The following TNS2 variants were observed in gnomAD, a reference collection of about 807,000 sequenced individuals.
TNS2 encodes tensin 2.
In TNS2, 77 loss-of-function variants were observed where a neutral mutation model predicts 155.7. The ratio of observed to expected loss-of-function variants is 0.49; its 90% CI spans 0.41 to 0.60. TNS2 has a LOEUF of 0.60. Among genes scored for constraint, TNS2 ranks in the 20% least tolerant of loss-of-function variants. The pLI is 0.00. For missense variants in TNS2, 1,703 were observed against 1,868.8 expected (o/e 0.91, Z 1.64); for synonymous variants, 726 against 763.9 (o/e 0.95, Z 0.82).
chr12:53,055,435 C>A, intron 8 of TNS2, 133 bp from the exon 9 acceptor site: 4 of 1,255,170 alleles, frequency 3.2e-6, no homozygotes, highest in Non-Finnish European at 4.4e-6. Flanking sequence ...AAGGAAAGTG[C>A]CGAGGCTATC....
At chr12:53,054,124 CA>C in intron 6 of TNS2, 110 bp downstream of exon 6, 1 of 1,571,916 alleles carries the variant, frequency 6.4e-7, no homozygotes, top group Non-Finnish European at 8.7e-7. Context: ...CCCCCACCCC[CA>C]AAGCGGTATT....
At chr12:53,052,232 T>C in intron 2 of TNS2, 1 of 638,190 alleles carries the variant, frequency 1.6e-6, no homozygotes, top group Non-Finnish European at 2.8e-6. Flanking sequence ...CCTCCTCACC[T>C]CCACCCACCC....
At chr12:53,056,710 C>T (rs1592248964) in intron 10 of TNS2, among the ~76,000 whole-genome samples, 1 of 152,212 alleles carries the variant, frequency 6.6e-6, no homozygotes, top group South Asian at 2.1e-4. Flanking sequence ...TCTGCAACGG[C>T]CCTATTTCCA....
At chr12:53,049,975 T>C (rs1943864447), upstream of TNS2, 2 of 1,157,350 alleles carry the variant, frequency 1.7e-6, no homozygotes, top group African/African-American at 1.6e-5. Context: ...CCCCACATCC[T>C]CCCCCCTCCA....
rs181922491 is a variant in TNS2 at position 53,051,087 on chromosome 12, C to T, written c.76-768C>T. On this transcript the variant is annotated intron_variant, in intron 1 of 28. Coordinates refer to ENST00000314250, the MANE Select transcript of TNS2 (RefSeq NM_170754.4). ...CATAAGGGGGCATCCCAGGCTCCTGCCTCACTGCATCTCTGGGTCAGGAGG... is the reference window on the plus strand; with the variant it reads ...CATAAGGGGGCATCCCAGGCTCCTGTCTCACTGCATCTCTGGGTCAGGAGG... 3.1e-3 allele frequency among the ~76,000 whole-genome samples: 472 copies of T among 152,318 alleles called. 6 individuals are homozygous for T. Among genetic ancestry groups the T allele is most frequent in the Non-Finnish European group, 1.0e-3 (71 of 68,030 alleles).
At chr12:53,053,204 G>A (rs1276630038) in intron 3 of TNS2, 10 of 583,514 alleles carry the variant, frequency 1.7e-5, no homozygotes, top group South Asian at 7.2e-5. Flanking sequence ...GGGGCTGAGC[G>A]CCAAGAGCAA....
rs1206869991 is a variant in TNS2 at position 53,059,485 on chromosome 12, C to A, written c.1844C>A (p.Thr615Asn). 1 of 1,560,716 alleles carries A rather than the reference C, an allele frequency of 6.4e-7. No individual in the cohort carries two copies. Among genetic ancestry groups the A allele is most frequent in the Non-Finnish European group, 8.6e-7 (1 of 1,157,552 alleles). Residue 615 changes from threonine to asparagine, a missense_variant, in exon 18 of 29, where the codon ACC becomes AAC. Thr to Asn is a moderately conservative substitution (Grantham distance 65). Coordinates refer to ENST00000314250, the MANE Select transcript of TNS2 (RefSeq NM_170754.4). The surrounding 1 kb of genome is among the most constrained non-coding windows in gnomAD (Gnocchi z 4.7). ...GGGGGCTACTACCGGCCAGAGGGAA[C>A]CCTGGAGAGGAGGCGACTGGCCTAC... ...PNGGYYRPEGTLERRRLAYGG... is the reference protein window; with the variant it reads ...PNGGYYRPEGNLERRRLAYGG...
At chr12:53,058,543 C>A in intron 15 of TNS2, 29 bp from the exon 16 acceptor site, 1 of 1,613,940 alleles carries the variant, frequency 6.2e-7, no homozygotes, top group Non-Finnish European at 8.5e-7. Context: ...GGGCCAGGGG[C>A]CTGGTTCTTC....
At position 53,061,490 on chromosome 12, in the gene TNS2, C is replaced by T. The variant is rs567264716; in HGVS notation, c.3448+21C>T. ...CCAAGGTGAGAAGCCAGCCTGCCCCCACCCCACTGCATCCCACCTTCCAGG... is the reference window on the plus strand; with the variant it reads ...CCAAGGTGAGAAGCCAGCCTGCCCCTACCCCACTGCATCCCACCTTCCAGG... On this transcript the variant is annotated intron_variant, in intron 21 of 28. Transcript: ENST00000314250. 46 of 1,611,802 alleles carry T rather than the reference C, an allele frequency of 2.9e-5. 2 individuals carry two copies. In the South Asian group the frequency reaches 4.0e-4, roughly 14 times the overall value.
upstream of TNS2, chr12:53,047,067 A>AGT (rs555845852): frequency 2.1e-4 from 31 of 150,756 alleles, no homozygotes; most frequent in African/African-American, 7.6e-4. Flanking sequence ...GCTCTTTGTG[A>AGT]GTGTGGGTTC....
rs760650009 is a variant in TNS2 at position 53,057,009 on chromosome 12, C to A, written c.762-4C>A. 3 of 1,612,894 alleles carry A rather than the reference C, an allele frequency of 1.9e-6. No homozygotes were observed. The East Asian group carries it at 6.7e-5, about 36-fold the overall frequency. On this transcript the variant is annotated splice_region_variant and splice_polypyrimidine_tract_variant and intron_variant, in intron 10 of 28. Coordinates refer to ENST00000314250, the MANE Select transcript of TNS2 (RefSeq NM_170754.4). ...ATCCCCAACACTGGCCTTGCTATCC[C>A]CAGGGCGGACCAGGCACTGGCCACT...
chr12:53,057,947 C>T, intron 13 of TNS2, 80 bp from the exon 14 acceptor site: 6 of 1,608,876 alleles, frequency 3.7e-6, no homozygotes, highest in Non-Finnish European at 5.1e-6. Flanking sequence ...ACTCTGGTCT[C>T]CTGGCTCCCC....
chr12:53,052,562 G>T, intron 3 of TNS2, 70 bp downstream of exon 3: 1 of 1,595,422 alleles, frequency 6.3e-7, no homozygotes, highest in Non-Finnish European at 8.6e-7. Flanking sequence ...ACAGGCTTCT[G>T]CAACCACACT....
chr12:53,055,845 G>T lies in TNS2; in HGVS notation c.761G>T (p.Gly254Val). 1 of 1,610,184 alleles carries T rather than the reference G, an allele frequency of 6.2e-7. No individual in the cohort carries two copies. The highest frequency in any genetic ancestry group is 1.1e-5 in the South Asian group (1 of 90,912). Residue 254 changes from glycine (G) to valine (V), a missense_variant and splice_region_variant, in exon 10 of 29, where the codon GGG (glycine) becomes GTG (valine). Transcript: ENST00000314250. ...AYMHYSKISA[G>V]ADQALATLTM... ...ATGCACTACAGCAAGATCTCTGCAGGGTGAGGCTCCCAGCGCCTGAGTAGC... is the reference window on the plus strand; with the variant it reads ...ATGCACTACAGCAAGATCTCTGCAGTGTGAGGCTCCCAGCGCCTGAGTAGC...
At chr12:53,049,972 T>A, upstream of TNS2, 1 of 1,097,434 alleles carries the variant, frequency 9.1e-7, no homozygotes, top group Non-Finnish European at 1.2e-6. Flanking sequence ...CTCCCCCACA[T>A]CCTCCCCCCT....
At position 53,055,640 on chromosome 12, in the gene TNS2, G is replaced by C. The variant is rs757232422; in HGVS notation, c.646G>C (p.Glu216Gln). ...DKLCSICKAM[E>Q]TWLSADPQHV... ...GCTGTGCTCCATCTGCAAAGCCATG[G>C]AGACATGGCTCAGTGCTGACCCACA... Residue 216 changes from glutamate (E) to glutamine (Q), a missense_variant, in exon 9 of 29, where the codon GAG (glutamate) becomes CAG (glutamine). Physicochemically the swap from Glu to Gln is conservative, Grantham distance 29. Transcript: ENST00000314250. 1.2e-6 allele frequency: 2 copies of C among 1,614,112 alleles called. No individual in the cohort carries two copies. The highest frequency in any genetic ancestry group is 1.7e-6 in the Non-Finnish European group (2 of 1,180,020).
At position 53,054,024 on chromosome 12, in the gene TNS2, G is replaced by T. The variant is rs761408727; in HGVS notation, c.350+10G>T. The T allele has an allele frequency of 6.2e-7, 1 of 1,613,930 alleles. No individual in the cohort carries two copies. The highest frequency in any genetic ancestry group is 8.5e-7 in the Non-Finnish European group (1 of 1,180,028). On this transcript the variant is annotated intron_variant, in intron 6 of 28. Transcript: ENST00000314250. ...GCAGCACTCTGCCCAGGTAAGTGAG[G>T]GTGCTGGGGTGGTCCCACGTGACCC...
Position 53,055,200 on chromosome 12 carries a change from A to T in TNS2, c.537A>T (p.Ser179=), listed in dbSNP as rs749623043. The T allele has an allele frequency of 1.9e-6, 3 of 1,613,958 alleles. No individual in the cohort carries two copies. The African/African-American group carries it at 4.0e-5, about 22-fold the overall frequency. The change falls in exon 8 of 29, where the codon TCA becomes TCT. Residue 179 remains serine, a synonymous_variant. Transcript: ENST00000314250. ...HRDKYLLFNL[S]EKRHDLTRLN... ...CTTTATTTCAGCTCTTCAACCTTTCAGAGAAAAGGCATGACCTGACCCGCT... is the reference window on the plus strand; with the variant it reads ...CTTTATTTCAGCTCTTCAACCTTTCTGAGAAAAGGCATGACCTGACCCGCT...
rs1013425195 is a variant in TNS2, at chr12:53,061,175, G to A, written c.3269G>A (p.Gly1090Asp). Residue 1090 changes from glycine (G) to aspartate (D), a missense_variant, in exon 20 of 29, where the codon GGC (glycine) becomes GAC (aspartate). Coordinates refer to ENST00000314250, the MANE Select transcript of TNS2 (RefSeq NM_170754.4). Reference protein sequence around the residue: ...PGPGQQPGPWGPEQASSPARG... With the variant: ...PGPGQQPGPWDPEQASSPARG... ...CCGGGGCAACAGCCAGGACCCTGGGGCCCAGAGCAGGCATCATCGCCAGCC... is the reference window on the plus strand; with the variant it reads ...CCGGGGCAACAGCCAGGACCCTGGGACCCAGAGCAGGCATCATCGCCAGCC... 3 of 1,600,046 alleles carry A rather than the reference G, an allele frequency of 1.9e-6. No individual in the cohort carries two copies. The highest frequency in any genetic ancestry group is 2.6e-6 in the Non-Finnish European group (3 of 1,173,296).
Sources: gnomAD v4.1 joint callset for allele counts (sites outside exome capture counted in the v4.1 genomes callset) on GRCh38, gnomAD v4.1.1 for gene constraint, Gnocchi (gnomAD v3.1) non-coding constraint, MANE v1.5 for transcripts, NCBI Gene and HGNC (gene_info 2026-07-23, HGNC 2026-07-21) for gene names.